Variants in SLC35F1 observed in about 807,000 individuals in gnomAD.
The protein encoded by SLC35F1 is chromosome 6 open reading frame 169.
Under a neutral mutation model 48.7 loss-of-function variants are expected in SLC35F1, and 14 were observed. That is an observed-to-expected ratio of 0.29 (90% CI 0.19 to 0.45). SLC35F1 has a LOEUF of 0.45. Among genes scored for constraint, SLC35F1 ranks in the 20% least tolerant of loss-of-function variants. The pLI, the probability that SLC35F1 is intolerant of heterozygous loss-of-function variation, is 1.00. For synonymous variants in SLC35F1, 190 were observed against 202.2 expected (o/e 0.94, Z 0.51); for missense variants, 404 against 500.0 (o/e 0.81, Z 1.83).
chr6:118,313,105 T>C (rs1313810560), intron 7 of SLC35F1, among the ~76,000 whole-genome samples: 1 of 152,174 alleles, frequency 6.6e-6, no homozygotes, highest in Non-Finnish European at 1.5e-5. Flanking sequence ...CTTTCTCCAG[T>C]GCATAGTTCA....
chr6:118,049,773 T>G (rs113299587), intron 1 of SLC35F1, among the ~76,000 whole-genome samples: 2,142 of 151,920 alleles, frequency 0.014, 56 homozygotes, highest in African/African-American at 0.049. Flanking sequence ...GGTGGGACTG[T>G]AAACTAATTC....
chr6:117,954,136 C>T (rs1776397544), intron 1 of SLC35F1, among the ~76,000 whole-genome samples: 1 of 152,216 alleles, frequency 6.6e-6, no homozygotes, highest in Non-Finnish European at 1.5e-5. Context: ...TAACAGGTTA[C>T]AGTGGCTTCA....
intron 7 of SLC35F1, among the ~76,000 whole-genome samples, chr6:118,300,233 TGTAGTGGGTATATC>T (rs1437925908): frequency 1.8e-4 from 28 of 152,306 alleles, no homozygotes; most frequent in African/African-American, 5.1e-4. Context: ...GCATCTGTAT[TGTAGTGGGTATATC>T]GTAGTGGGTA....
chr6:118,227,577 G>A (rs1396972383), intron 2 of SLC35F1, among the ~76,000 whole-genome samples: 1 of 152,142 alleles, frequency 6.6e-6, no homozygotes, highest in Non-Finnish European at 1.5e-5. Context: ...ATGCAATGAT[G>A]ATTCATTGTA....
chr6:118,184,295 T>C (rs1428469936), intron 2 of SLC35F1, among the ~76,000 whole-genome samples: 4 of 152,188 alleles, frequency 2.6e-5, no homozygotes, highest in African/African-American at 9.7e-5. Context: ...TTCCAGATGA[T>C]GGAGTACCTG....
intron 2 of SLC35F1, among the ~76,000 whole-genome samples, chr6:118,222,126 A>ACACATATC (rs1424784452): frequency 6.6e-6 from 1 of 152,162 alleles, no homozygotes; most frequent in Non-Finnish European, 1.5e-5. Flanking sequence ...GGTTTAATGC[A>ACACATATC]CACATATCCC....
chr6:117,995,415 G>A (rs182810067), intron 1 of SLC35F1, among the ~76,000 whole-genome samples: 30 of 152,270 alleles, frequency 2.0e-4, no homozygotes, highest in South Asian at 6.2e-4. Flanking sequence ...TATGGCAAAT[G>A]CTAAATAAAT....
chr6:118,130,679 G>GTT (rs145460732), intron 1 of SLC35F1, among the ~76,000 whole-genome samples: 1 of 149,880 alleles, frequency 6.7e-6, no homozygotes, highest in African/African-American at 2.5e-5. Context: ...TCTTAAGGTA[G>GTT]TTTTTTTTTT....
intron 1 of SLC35F1, among the ~76,000 whole-genome samples, chr6:117,944,584 CATACACAT>C (rs1468798252): frequency 3.2e-4 from 48 of 147,900 alleles, no homozygotes; most frequent in African/African-American, 1.1e-3. Context: ...AAAACACACA[CATACACAT>C]ACACACACAC....
At chr6:117,989,641 C>T (rs2114856759) in intron 1 of SLC35F1, among the ~76,000 whole-genome samples, 1 of 152,240 alleles carries the variant, frequency 6.6e-6, no homozygotes, top group East Asian at 1.9e-4. Context: ...ATTCTAAGTA[C>T]AGTGTTTAAA....
rs745391784 is a variant in SLC35F1 at position 118,218,255 on chromosome 6, A to C, written c.350-17254A>C. Among the ~76,000 whole-genome samples, 3 of 152,324 alleles carry C rather than the reference A, an allele frequency of 2.0e-5. No homozygotes were observed. In the East Asian group the frequency reaches 5.8e-4, roughly 29 times the overall value. On this transcript the variant is annotated intron_variant, in intron 2 of 7. Coordinates refer to ENST00000360388, the MANE Select transcript of SLC35F1 (RefSeq NM_001029858.4). ...GTCATTTGACATTACACCTGTTCAC[A>C]GTCAAGTTTCTTACTAAGGAATTAG...
At chr6:118,032,593 C>G (rs1772070084) in intron 1 of SLC35F1, among the ~76,000 whole-genome samples, 1 of 152,158 alleles carries the variant, frequency 6.6e-6, no homozygotes, top group Admixed American at 6.5e-5. Context: ...ATAGATTATA[C>G]ACAATATGCT....
At chr6:118,059,895 G>A (rs1772514038) in intron 1 of SLC35F1, among the ~76,000 whole-genome samples, 1 of 152,152 alleles carries the variant, frequency 6.6e-6, no homozygotes, top group Non-Finnish European at 1.5e-5. Flanking sequence ...ATAGAGGTAG[G>A]AGAAGAAACA....
chr6:118,124,119 TGA>T (rs551235983), intron 1 of SLC35F1, among the ~76,000 whole-genome samples: 19 of 152,280 alleles, frequency 1.2e-4, no homozygotes, highest in African/African-American at 4.3e-4. Context: ...TCTGGGAGAC[TGA>T]GAGATGATAT....
chr6:118,149,133 T>C (rs917395575), intron 1 of SLC35F1, among the ~76,000 whole-genome samples: 2 of 152,126 alleles, frequency 1.3e-5, no homozygotes, highest in Non-Finnish European at 2.9e-5. Flanking sequence ...AGCTACACAA[T>C]ATGGTGAGTG....
chr6:118,123,310 A>G (rs898135963), intron 1 of SLC35F1, among the ~76,000 whole-genome samples: 9 of 152,264 alleles, frequency 5.9e-5, no homozygotes, highest in South Asian at 2.1e-4. Flanking sequence ...TTCAGCCCAA[A>G]GCTTATACTT....
chr6:117,974,052 G>T (rs2114845200), intron 1 of SLC35F1, among the ~76,000 whole-genome samples: 1 of 152,292 alleles, frequency 6.6e-6, no homozygotes, highest in Non-Finnish European at 1.5e-5. Flanking sequence ...CAGAGATTCT[G>T]CTGGTTTGAA....
chr6:118,139,289 T>G (rs1026933219), intron 1 of SLC35F1, among the ~76,000 whole-genome samples: 4 of 152,058 alleles, frequency 2.6e-5, no homozygotes, highest in Admixed American at 6.5e-5. Flanking sequence ...ATTTTTTGTA[T>G]TTTTAGTAGA....
intron 3 of SLC35F1, among the ~76,000 whole-genome samples, chr6:118,250,234 T>A (rs774145071): frequency 1.2e-4 from 18 of 152,200 alleles, no homozygotes; most frequent in Non-Finnish European, 1.8e-4. Flanking sequence ...TTTTTCTCCA[T>A]AGTTCTTATC....
Sources: gnomAD v4.1 joint callset for allele counts (sites outside exome capture counted in the v4.1 genomes callset) on GRCh38, gnomAD v4.1.1 for gene constraint, MANE v1.5 for transcripts, NCBI Gene and HGNC (gene_info 2026-07-23, HGNC 2026-07-21) for gene names.